CDK12: variants seen among roughly 807,000 people sequenced by gnomAD.
CDK12 encodes cyclin-dependent kinase 12.
In CDK12, 17 loss-of-function variants were observed where a neutral mutation model predicts 133.8. The observed-to-expected ratio is 0.13, with a 90% CI of 0.09 to 0.19. The LOEUF is 0.19. CDK12 is among the 10% of genes least tolerant of loss of function. The pLI is 1.00. For missense variants in CDK12, 1,508 were observed against 1,818.7 expected (o/e 0.83, Z 3.11); for synonymous variants, 694 against 683.6 (o/e 1.02, Z -0.24).
rs144600190 is a variant in CDK12 at position 39,534,419 on chromosome 17, G to A, written c.*3103G>A. 2.1e-3 allele frequency: 484 copies of A among 232,626 alleles called. 2 individuals are homozygous for A. Among genetic ancestry groups the A allele is most frequent in the African/African-American group, 1.0e-2 (452 of 45,370 alleles). The allele number at this position is 232,626 out of a possible 1,614,324, so 14.4% of individuals were successfully genotyped here. A position where few individuals can be genotyped will look rare whatever the true frequency, so the allele number is the denominator to read the frequency against. ...CCTGACACTGATTCCTTTCTCTCTC[G>A]TTTTTGACCCCCATTGGGTGTATCT... On this transcript the variant is annotated 3_prime_UTR_variant, in exon 14 of 14. Transcript: ENST00000447079.
chr17:39,501,083 G>A (rs568522234), intron 5 of CDK12, among the ~76,000 whole-genome samples, 167 bp from the exon 6 acceptor site: 2 of 152,188 alleles, frequency 1.3e-5, no homozygotes, highest in Non-Finnish European at 2.9e-5. Flanking sequence ...TATTAGGAAG[G>A]ACTAATTATT....
chr17:39,494,579 A>T lies in CDK12; in HGVS notation c.2304A>T (p.Pro768=). Residue 768 remains proline, a synonymous_variant, in exon 5 of 14, where the codon CCA becomes CCT. Coordinates refer to ENST00000447079, the MANE Select transcript of CDK12 (RefSeq NM_016507.4). ...VRLDNEKEGF[P]ITAIREIKIL... Reference sequence around the variant, plus strand: ...TAGACAATGAGAAAGAGGGCTTCCCAATCACAGCCATTCGTGAAATCAAAA... The same window carrying T: ...TAGACAATGAGAAAGAGGGCTTCCCTATCACAGCCATTCGTGAAATCAAAA... The T allele has an allele frequency of 6.2e-7, 1 of 1,613,976 alleles. No individual in the cohort carries two copies. Among genetic ancestry groups the T allele is most frequent in the Non-Finnish European group, 8.5e-7 (1 of 1,179,882 alleles).
intron 1 of CDK12, 110 bp downstream of exon 1, chr17:39,463,227 C>T: frequency 4.3e-6 from 4 of 932,730 alleles, no homozygotes; most frequent in Non-Finnish European, 6.5e-6. Context: ...TTGACTAGAA[C>T]ACTTTGCTGT....
At chr17:39,501,572 GT>G (rs2052720276) in intron 6 of CDK12, 133 bp downstream of exon 6, 1 of 590,262 alleles carries the variant, frequency 1.7e-6, no homozygotes, top group South Asian at 2.4e-5. Flanking sequence ...TATTTCCTAC[GT>G]TCAGTGTGGG....
At chr17:39,545,692 G>T (rs2055656730), upstream of CDK12, among the ~76,000 whole-genome samples, 1 of 151,246 alleles carries the variant, frequency 6.6e-6, no homozygotes, top group Non-Finnish European at 1.5e-5. Context: ...TAGGGACGGG[G>T]TTTCACCATG....
intron 10 of CDK12, 44 bp downstream of exon 10, chr17:39,517,600 G>T: frequency 8.2e-7 from 1 of 1,225,024 alleles, no homozygotes; most frequent in Non-Finnish European, 1.2e-6. Context: ...TGTCTGGCTG[G>T]TGTTGGGACT....
At chr17:39,561,802 C>T (rs186322710) in intron 3 of CDK12, among the ~76,000 whole-genome samples, 20 of 152,254 alleles carry the variant, frequency 1.3e-4, no homozygotes, top group African/African-American at 1.9e-4. Context: ...GCTAAGATTA[C>T]GTATCACTCC....
chr17:39,501,165 C>G (rs2052693909), intron 5 of CDK12, 85 bp from the exon 6 acceptor site: 1 of 1,006,870 alleles, frequency 9.9e-7, no homozygotes, highest in Non-Finnish European at 1.4e-6. Flanking sequence ...GTGGTCAACT[C>G]CAAAATTATA....
chr17:39,565,214 C>T (rs965213748), downstream of CDK12, among the ~76,000 whole-genome samples: 5 of 152,144 alleles, frequency 3.3e-5, no homozygotes, highest in African/African-American at 4.8e-5. Flanking sequence ...ACTGGGTTCA[C>T]GCCATTCTCC....
intron 2 of CDK12, 70 bp downstream of exon 2, chr17:39,471,833 G>T: frequency 7.7e-7 from 1 of 1,298,882 alleles, no homozygotes. Context: ...TTTAATCTTT[G>T]TCAACACTAC....
upstream of CDK12, among the ~76,000 whole-genome samples, chr17:39,544,757 A>T (rs2055599628): frequency 6.6e-6 from 1 of 150,438 alleles, no homozygotes; most frequent in Non-Finnish European, 1.5e-5. Flanking sequence ...TAGCCTCCTG[A>T]GTAGCTGCGG....
At chr17:39,546,071 A>T (rs2055682713), upstream of CDK12, 1 of 151,962 alleles carries the variant, frequency 6.6e-6, no homozygotes, top group African/African-American at 2.4e-5. Context: ...CTGGGATTAC[A>T]GGCGTGAGCC....
At position 39,461,682 on chromosome 17, in the gene CDK12, C is replaced by G. The variant is rs2048970557; in HGVS notation, c.-390C>G. On this transcript the variant is annotated 5_prime_UTR_variant, in exon 1 of 14. Transcript: ENST00000447079. ...CCGGGCTACCGGGTAGGGGAAGGGC[C>G]CGCGTAGTCCTCGCAGGGCCCCAGA... 2 of 295,288 alleles carry G rather than the reference C, an allele frequency of 6.8e-6. No homozygotes were observed. The highest frequency in any genetic ancestry group is 1.5e-4 in the South Asian group (2 of 13,452). 18.3% of individuals were successfully genotyped at this position (295,288 alleles called of 1,614,324 possible).
At position 39,518,017 on chromosome 17, in the gene CDK12, A is replaced by T. The variant is rs1422784276; in HGVS notation, c.2963+461A>T. Among the ~76,000 whole-genome samples, 41 of 137,530 alleles carry T rather than the reference A, an allele frequency of 3.0e-4. 1 individual carries two copies. Among genetic ancestry groups the T allele is most frequent in the African/African-American group, 8.8e-4 (32 of 36,380 alleles). The allele number at this position is 137,530 out of a possible 152,430, so 90.2% of individuals were successfully genotyped here. ...TTTTGAGACAGAGTCTCACTTTGCC[A>T]CTTAGGCTGGAGTGCAGTGGCATGA... On this transcript the variant is annotated intron_variant, in intron 10 of 13. Transcript: ENST00000447079.
chr17:39,490,769 T>G (rs772725804), intron 3 of CDK12, 36 bp downstream of exon 3: 1 of 1,494,176 alleles, frequency 6.7e-7, no homozygotes, highest in South Asian at 1.2e-5. Flanking sequence ...TCATGATAGT[T>G]TTCTCCCTTC....
chr17:39,564,093 C>T (rs1221072158), intron 3 of CDK12, among the ~76,000 whole-genome samples: 1 of 152,140 alleles, frequency 6.6e-6, no homozygotes, highest in East Asian at 1.9e-4. Flanking sequence ...CTGATGCCAC[C>T]ATTTGGCATT....
At chr17:39,553,892 G>A (rs1392647581) in intron 2 of CDK12, among the ~76,000 whole-genome samples, 1 of 152,100 alleles carries the variant, frequency 6.6e-6, no homozygotes, top group Non-Finnish European at 1.5e-5. Flanking sequence ...TGAGCTCTGT[G>A]AATGAAGGTC....
intron 2 of CDK12, among the ~76,000 whole-genome samples, chr17:39,477,765 G>A (rs1196251419): frequency 1.3e-5 from 2 of 151,404 alleles, no homozygotes; most frequent in Admixed American, 1.3e-4. Context: ...AGTAGAGATG[G>A]GGTTTCGCCG....
At chr17:39,515,611 A>G (rs1057226937) in intron 8 of CDK12, 120 bp from the exon 9 acceptor site, 20 of 619,466 alleles carry the variant, frequency 3.2e-5, no homozygotes, top group Non-Finnish European at 5.7e-5. Flanking sequence ...TCAGACACTG[A>G]AATTTGGGGC....
Sources: allele counts gnomAD v4.1 joint callset (sites outside exome capture counted in the v4.1 genomes callset), GRCh38; gene constraint gnomAD v4.1.1; transcripts MANE v1.5; gene names NCBI Gene and HGNC (gene_info 2026-07-23, HGNC 2026-07-21).